The following MCHR2 variants were observed in gnomAD, a reference collection of about 807,000 sequenced individuals.
The protein encoded by MCHR2 is melanin concentrating hormone receptor 2, also known as melanin-concentrating hormone receptor 2.
MCHR2 carries 15 observed loss-of-function variants against 24.8 expected under a neutral mutation model. That is an observed-to-expected ratio of 0.60 (90% confidence interval 0.40 to 0.93). The LOEUF (loss-of-function observed/expected upper bound fraction) is 0.93, where lower values mean the gene tolerates loss of function less well. Ranked by LOEUF, MCHR2 falls within the 40% of genes least tolerant of loss-of-function variation. MCHR2 has a pLI of 0.00. For synonymous variants in MCHR2, 151 were observed against 147.6 expected, an observed-to-expected ratio of 1.02 and a Z score of -0.17; for missense variants, 386 against 408.7, an observed-to-expected ratio of 0.94 and a Z score of 0.48.
chr6:99,927,821 A>C (rs570084784), intron 5 of MCHR2, among the ~76,000 whole-genome samples: 10 of 152,226 alleles, frequency 6.6e-5, no homozygotes, highest in Non-Finnish European at 1.2e-4. Flanking sequence ...AATTGAATAC[A>C]CTTTATTTCC....
chr6:99,964,844 G>A (rs145487240), intron 1 of MCHR2, among the ~76,000 whole-genome samples: 10 of 152,112 alleles, frequency 6.6e-5, no homozygotes, highest in African/African-American at 1.9e-4. Context: ...AGGTACACAC[G>A]ATAACATGGA....
Position 99,956,208 on chromosome 6 carries a change from A to C in MCHR2, c.-27-34T>G, listed in dbSNP as rs116357490. On this transcript the variant is annotated intron_variant, in intron 1 of 5. Coordinates refer to ENST00000281806, the MANE Select transcript of MCHR2 (RefSeq NM_001040179.2). ...TAATAGGAAGTGATTTATTTAGTGA[A>C]CATTCCCTCAATATAACTTCCTTTA... The C allele has an allele frequency of 1.8e-3, 2,428 of 1,376,992 alleles. 29 individuals are homozygous for C. In the African/African-American group the frequency reaches 0.03, roughly 17 times the overall value. The allele number at this position is 1,376,992 out of a possible 1,614,324, so 85.3% of individuals were successfully genotyped here. A position where few individuals can be genotyped will look rare whatever the true frequency, so the allele number is the denominator to read the frequency against.
At chr6:99,937,575 G>T (rs572320043) in intron 4 of MCHR2, among the ~76,000 whole-genome samples, 52 of 151,752 alleles carry the variant, frequency 3.4e-4, no homozygotes, top group African/African-American at 1.1e-3. Context: ...CATGATATAC[G>T]ATTTTTTTAA....
intron 1 of MCHR2, among the ~76,000 whole-genome samples, chr6:99,986,415 A>G (rs944841442): frequency 5.9e-5 from 9 of 152,186 alleles, no homozygotes; most frequent in African/African-American, 2.2e-4. Context: ...CATGCAGTCA[A>G]CCTAAGTGTC....
chr6:99,991,132 C>T (rs540450701), intron 1 of MCHR2, among the ~76,000 whole-genome samples: 12 of 151,788 alleles, frequency 7.9e-5, no homozygotes, highest in Non-Finnish European at 1.3e-4. Context: ...TGAGAAGGTG[C>T]GGGCATGGAG....
intron 1 of MCHR2, among the ~76,000 whole-genome samples, chr6:99,969,428 C>A (rs1282483835): frequency 8.4e-6 from 1 of 118,774 alleles, no homozygotes; most frequent in African/African-American, 3.3e-5. Flanking sequence ...GAGCCAAGAT[C>A]ATGCCATTGC....
rs1774901106 is a variant in MCHR2, at chr6:99,947,903, A to G, written c.251T>C (p.Val84Ala). The stretch of plus-strand genomic sequence containing the variant: ...TTGGTGAATAAGAAAAGGCATTCCA[A>G]CTATGTGGACCAAATCAGCCACAGC... ...NLAVADLVHIVGMPFLIHQWA... is the reference protein window; with the variant it reads ...NLAVADLVHIAGMPFLIHQWA... Residue 84 changes from valine to alanine, a missense_variant, in exon 3 of 6, where the codon GTT becomes GCT. Coordinates refer to ENST00000281806, the MANE Select transcript of MCHR2 (RefSeq NM_001040179.2). 6.2e-7 allele frequency: 1 copy of G among 1,613,688 alleles called. No homozygotes were observed. The highest frequency in any genetic ancestry group is 8.5e-7 in the Non-Finnish European group (1 of 1,179,798).
intron 2 of MCHR2, 110 bp from the exon 3 acceptor site, chr6:99,948,081 G>A (rs1774907548): frequency 5.5e-6 from 5 of 905,968 alleles, no homozygotes; most frequent in Non-Finnish European, 8.4e-6. Context: ...AAATGTTAAA[G>A]GAAAACCTAT....
At chr6:99,957,638 A>G (rs1044136652) in intron 1 of MCHR2, among the ~76,000 whole-genome samples, 1 of 152,232 alleles carries the variant, frequency 6.6e-6, no homozygotes, top group Admixed American at 6.5e-5. Context: ...GTTATTACGT[A>G]ACTCTAAGAG....
At chr6:99,928,486 A>C (rs1412127923) in intron 5 of MCHR2, among the ~76,000 whole-genome samples, 1 of 152,074 alleles carries the variant, frequency 6.6e-6, no homozygotes, top group Non-Finnish European at 1.5e-5. Context: ...TTTGGTTGGT[A>C]AGCTATTGAT....
chr6:99,942,922 C>T (rs577277916), intron 4 of MCHR2, 27 bp downstream of exon 4: 3 of 1,565,614 alleles, frequency 1.9e-6, no homozygotes, highest in African/African-American at 1.4e-5. Flanking sequence ...TAATTCAACT[C>T]GTTTTTCTTA....
At chr6:99,973,259 C>G (rs1178139449) in intron 1 of MCHR2, among the ~76,000 whole-genome samples, 1 of 151,734 alleles carries the variant, frequency 6.6e-6, no homozygotes, top group Non-Finnish European at 1.5e-5. Flanking sequence ...GTATTGGGTG[C>G]ATATTTATTT....
At chr6:99,966,096 T>G (rs1775292025) in intron 1 of MCHR2, among the ~76,000 whole-genome samples, 1 of 152,200 alleles carries the variant, frequency 6.6e-6, no homozygotes. Context: ...CAACTTGCTT[T>G]ATTTATTTTC....
intron 1 of MCHR2, among the ~76,000 whole-genome samples, chr6:99,986,091 C>A (rs1469531594): frequency 1.3e-5 from 2 of 152,164 alleles, no homozygotes; most frequent in East Asian, 3.9e-4. Context: ...TATCACTAAT[C>A]ATCAGAGAAA....
At position 99,938,352 on chromosome 6, in the gene MCHR2, A is replaced by G. The variant is rs1004376941; in HGVS notation, c.588-3835T>C. Among the ~76,000 whole-genome samples, 5 of 152,100 alleles carry G rather than the reference A, an allele frequency of 3.3e-5. No homozygotes were observed. In the East Asian group the frequency reaches 9.6e-4, roughly 29 times the overall value. On this transcript the variant is annotated intron_variant, in intron 4 of 5. Transcript: ENST00000281806. ...ATTTATAACTGTAAAATTCCTTGTTAGTACTGCTTCTGCTATATCCCATAG... is the reference window on the plus strand; with the variant it reads ...ATTTATAACTGTAAAATTCCTTGTTGGTACTGCTTCTGCTATATCCCATAG...
intron 5 of MCHR2, among the ~76,000 whole-genome samples, chr6:99,922,200 G>C (rs893444020): frequency 5.3e-5 from 8 of 150,382 alleles, no homozygotes; most frequent in African/African-American, 1.7e-4. Context: ...TCCGCCTCCT[G>C]GGTTCATGCC....
intron 1 of MCHR2, among the ~76,000 whole-genome samples, chr6:99,973,138 G>T (rs1300998881): frequency 1.3e-5 from 2 of 151,700 alleles, no homozygotes; most frequent in Non-Finnish European, 2.9e-5. Context: ...CTGTCTCGTT[G>T]ATCTGTCTAA....
At chr6:99,989,897 C>T (rs186023362) in intron 1 of MCHR2, among the ~76,000 whole-genome samples, 7 of 152,112 alleles carry the variant, frequency 4.6e-5, no homozygotes, top group Admixed American at 3.3e-4. Flanking sequence ...GTGAAATAAT[C>T]TCCCTCAAAG....
At chr6:99,931,719 G>T (rs369526820) in intron 5 of MCHR2, among the ~76,000 whole-genome samples, 8 of 152,248 alleles carry the variant, frequency 5.3e-5, no homozygotes, top group African/African-American at 1.9e-4. Flanking sequence ...GGAGTGACCC[G>T]ATTTTCCAGG....
Sources: gnomAD v4.1 joint callset for allele counts (sites outside exome capture counted in the v4.1 genomes callset) on GRCh38, gnomAD v4.1.1 for gene constraint, MANE v1.5 for transcripts, NCBI Gene and HGNC (gene_info 2026-07-23, HGNC 2026-07-21) for gene names.